IGF2BP3: variants seen among roughly 807,000 people sequenced by gnomAD.
The protein encoded by IGF2BP3 is insulin like growth factor 2 mRNA binding protein 3, also known as insulin-like growth factor 2 mRNA-binding protein 3.
Under a neutral mutation model 73.8 loss-of-function variants are expected in IGF2BP3, and 9 were observed. That is an observed-to-expected ratio of 0.12 (90% CI 0.07 to 0.21). The LOEUF is 0.21. IGF2BP3 is among the 10% of genes least tolerant of loss of function. The pLI, the probability that IGF2BP3 is intolerant of heterozygous loss-of-function variation, is 1.00. For synonymous variants in IGF2BP3, 258 were observed against 256.7 expected (o/e 1.01, Z -0.05); for missense variants, 542 against 714.0 (o/e 0.76, Z 2.75).
chr7:23,395,423 C>A (rs943750237), intron 3 of IGF2BP3, among the ~76,000 whole-genome samples: 1 of 151,948 alleles, frequency 6.6e-6, no homozygotes, highest in South Asian at 2.1e-4. Context: ...AACAAAAAAA[C>A]GAAAACATTT....
At chr7:23,458,592 CCTCTG>C (rs1039213942) in intron 2 of IGF2BP3, among the ~76,000 whole-genome samples, 2 of 152,132 alleles carry the variant, frequency 1.3e-5, no homozygotes, top group African/African-American at 4.8e-5. Context: ...CTCCCCATGC[CCTCTG>C]CTCTAACCTC....
rs1223216476 is a variant in IGF2BP3 at position 23,469,035 on chromosome 7, A to C, written c.176-493T>G. ...GAAAGGGTCGGGGACGGCAGGGGAGACCACGAACGGGAGAACTGGCAGAGG... is the reference window on the plus strand; with the variant it reads ...GAAAGGGTCGGGGACGGCAGGGGAGCCCACGAACGGGAGAACTGGCAGAGG... On this transcript the variant is annotated intron_variant, in intron 1 of 14. Transcript: ENST00000258729. The surrounding 1 kb of genome is among the most constrained non-coding windows in gnomAD (Gnocchi z 6.1). Among the ~76,000 whole-genome samples the C allele has an allele frequency of 1.3e-5, 2 of 152,214 alleles. No homozygotes were observed. The highest frequency in any genetic ancestry group is 1.3e-4 in the Admixed American group (2 of 15,282).
chr7:23,460,201 A>AAAC (rs34563888), intron 2 of IGF2BP3, among the ~76,000 whole-genome samples: 5 of 146,908 alleles, frequency 3.4e-5, no homozygotes, highest in Admixed American at 6.8e-5. Context: ...AAAAAACAAA[A>AAAC]ACGAAAGTGA....
intron 2 of IGF2BP3, among the ~76,000 whole-genome samples, chr7:23,438,183 G>A (rs868201175): frequency 6.6e-6 from 1 of 152,140 alleles, no homozygotes. Context: ...GCAGTGCCAC[G>A]ATCTCGGCTC....
chr7:23,408,594 G>A (rs936295092), intron 3 of IGF2BP3, among the ~76,000 whole-genome samples: 1 of 152,170 alleles, frequency 6.6e-6, no homozygotes, highest in Non-Finnish European at 1.5e-5. Context: ...AACAGTAATG[G>A]CAATTCCTGA....
Position 23,312,238 on chromosome 7 carries a change from A to G in IGF2BP3, c.*124T>C. 2.7e-6 allele frequency: 2 copies of G among 729,876 alleles called. No homozygotes were observed. Among genetic ancestry groups the G allele is most frequent in the Admixed American group, 4.5e-5 (2 of 44,402 alleles). 45.2% of individuals were successfully genotyped at this position (729,876 alleles called of 1,614,324 possible). A position where few individuals can be genotyped will look rare whatever the true frequency, so the allele number is the denominator to read the frequency against. ...AGTTCAAAAGTTGCCTGGTCCTCAG[A>G]AACAACTGGCTAGGTAAAAACTTGT... On this transcript the variant is annotated 3_prime_UTR_variant, in exon 15 of 15. Coordinates refer to ENST00000258729, the MANE Select transcript of IGF2BP3 (RefSeq NM_006547.3).
At chr7:23,317,617 G>GCA (rs1485056313) in intron 12 of IGF2BP3, 22 bp downstream of exon 12, 14 of 1,597,188 alleles carry the variant, frequency 8.8e-6, no homozygotes, top group Admixed American at 1.7e-5. Context: ...TGTGGACATA[G>GCA]CACATACTCT....
intron 10 of IGF2BP3, among the ~76,000 whole-genome samples, chr7:23,330,740 G>T (rs1784424038): frequency 6.6e-6 from 1 of 152,054 alleles, no homozygotes; most frequent in South Asian, 2.1e-4. Flanking sequence ...CTTTATAGCG[G>T]TGTGAAAACA....
At chr7:23,433,077 A>T (rs183736292) in intron 2 of IGF2BP3, among the ~76,000 whole-genome samples, 1 of 152,366 alleles carries the variant, frequency 6.6e-6, no homozygotes, top group Non-Finnish European at 1.5e-5. Flanking sequence ...ATATTAACAC[A>T]ATATAGTAAA....
chr7:23,361,805 ATAT>A, intron 3 of IGF2BP3, 64 bp from the exon 4 acceptor site: 1 of 1,409,474 alleles, frequency 7.1e-7, no homozygotes, highest in Non-Finnish European at 9.8e-7. Context: ...AAGGGCAGGA[ATAT>A]GTCTTAAAAT....
At position 23,351,025 on chromosome 7, in the gene IGF2BP3, T is replaced by C. The variant is rs145927163; in HGVS notation, c.683+280A>G. The stretch of plus-strand genomic sequence containing the variant: ...GACAGAGGACAACCTGGAAGCTGCC[T>C]TTCTGTCTTCCAGAGCTTCCCCAAC... On this transcript the variant is annotated intron_variant, in intron 6 of 14. Transcript: ENST00000258729. Among the ~76,000 whole-genome samples the C allele has an allele frequency of 4.5e-3, 688 of 152,284 alleles. 7 individuals are homozygous for C. The highest frequency in any genetic ancestry group is 0.016 in the African/African-American group (652 of 41,572).
chr7:23,383,673 A>C (rs1785985065), intron 3 of IGF2BP3, among the ~76,000 whole-genome samples: 1 of 152,228 alleles, frequency 6.6e-6, no homozygotes, highest in Admixed American at 6.5e-5. Context: ...CACACAAGAA[A>C]TCGTACATTA....
At chr7:23,364,706 T>C (rs1272631040) in intron 3 of IGF2BP3, among the ~76,000 whole-genome samples, 1 of 152,098 alleles carries the variant, frequency 6.6e-6, no homozygotes, top group East Asian at 1.9e-4. Flanking sequence ...TCATTCCACC[T>C]TCAGTAATGA....
At chr7:23,444,972 T>C (rs1788026178) in intron 2 of IGF2BP3, among the ~76,000 whole-genome samples, 1 of 152,068 alleles carries the variant, frequency 6.6e-6, no homozygotes. Context: ...GTGGAAGGAT[T>C]ACTTCCATCC....
At chr7:23,378,174 C>T (rs1785786843) in intron 3 of IGF2BP3, among the ~76,000 whole-genome samples, 1 of 152,026 alleles carries the variant, frequency 6.6e-6, no homozygotes, top group Non-Finnish European at 1.5e-5. Flanking sequence ...ATGCAAGACC[C>T]AACGATGTTG....
rs1246674269 is a variant in IGF2BP3, at chr7:23,310,302, T to G, written c.*2060A>C. 1 of 152,210 alleles carries G rather than the reference T, an allele frequency of 6.6e-6. No homozygotes were observed. The highest frequency in any genetic ancestry group is 2.4e-5 in the African/African-American group (1 of 41,458). The allele number at this position is 152,210 out of a possible 1,614,324, so 9.4% of individuals were successfully genotyped here. On this transcript the variant is annotated 3_prime_UTR_variant, in exon 15 of 15. Coordinates refer to ENST00000258729, the MANE Select transcript of IGF2BP3 (RefSeq NM_006547.3). ...CATTATACATGAGGAATGATCCATA[T>G]ATGGTGAGTACAAAACTCAATTATA...
intron 2 of IGF2BP3, among the ~76,000 whole-genome samples, chr7:23,440,024 G>T (rs903184310): frequency 6.6e-6 from 1 of 152,186 alleles, no homozygotes; most frequent in Non-Finnish European, 1.5e-5. Context: ...AGCACTTTGG[G>T]AGGCCGAGGT....
intron 3 of IGF2BP3, among the ~76,000 whole-genome samples, chr7:23,375,348 T>C (rs1478865027): frequency 5.9e-5 from 9 of 152,128 alleles, no homozygotes; most frequent in Admixed American, 5.2e-4. Context: ...TGATCTGCTA[T>C]CTTTCTTTCA....
chr7:23,445,777 A>G (rs988955871), intron 2 of IGF2BP3, among the ~76,000 whole-genome samples: 5 of 152,196 alleles, frequency 3.3e-5, no homozygotes, highest in Admixed American at 1.3e-4. Flanking sequence ...AACAATTACC[A>G]TAAGTGACAT....
Sources: allele counts gnomAD v4.1 joint callset (sites outside exome capture counted in the v4.1 genomes callset), GRCh38; gene constraint gnomAD v4.1.1; non-coding constraint Gnocchi (gnomAD v3.1); transcripts MANE v1.5; gene names NCBI Gene and HGNC (gene_info 2026-07-23, HGNC 2026-07-21).